The following NCALD variants were observed in gnomAD, a reference collection of about 807,000 sequenced individuals.
The protein encoded by NCALD is neurocalcin-delta.
A neutral mutation model predicts 18.6 loss-of-function variants in NCALD; 10 were observed. That is an observed-to-expected ratio of 0.54 (90% CI 0.33 to 0.91). NCALD has a LOEUF of 0.91. NCALD is among the 40% of genes least tolerant of loss of function. The pLI, the probability that NCALD is intolerant of heterozygous loss-of-function variation, is 0.03. For missense variants in NCALD, 184 were observed against 247.6 expected (o/e 0.74, Z 1.72); for synonymous variants, 88 against 87.4 (o/e 1.01, Z -0.04).
Position 101,719,663 on chromosome 8 carries a change from G to T in NCALD, c.-19-15C>A, listed in dbSNP as rs766448470. The T allele has an allele frequency of 2.0e-6, 3 of 1,532,564 alleles. No homozygotes were observed. Among genetic ancestry groups the T allele is most frequent in the East Asian group, 2.3e-5 (1 of 44,254 alleles). 94.9% of individuals were successfully genotyped at this position (1,532,564 alleles called of 1,614,324 possible). On this transcript the variant is annotated splice_polypyrimidine_tract_variant and intron_variant, in intron 1 of 3. Transcript: ENST00000220931. Reference sequence around the variant, plus strand: ...CAAGAATTCAGCTGCAGATAGAAAAGAAAACATATATAATTTGTAGAGCTG... The same window carrying T: ...CAAGAATTCAGCTGCAGATAGAAAATAAAACATATATAATTTGTAGAGCTG...
At chr8:101,736,247 T>C (rs1809909732) in intron 1 of NCALD, among the ~76,000 whole-genome samples, 2 of 152,216 alleles carry the variant, frequency 1.3e-5, no homozygotes, top group African/African-American at 4.8e-5. Flanking sequence ...GAAAACCTGT[T>C]CGTATCCCTT....
intron 4 of NCALD, among the ~76,000 whole-genome samples, chr8:101,836,909 C>G (rs1233607111): frequency 1.3e-5 from 2 of 152,172 alleles, no homozygotes; most frequent in African/African-American, 4.8e-5. Context: ...TAAAGAGAAT[C>G]TTGATAGATT....
At chr8:101,806,010 A>G (rs1209788901) in intron 4 of NCALD, among the ~76,000 whole-genome samples, 1 of 152,198 alleles carries the variant, frequency 6.6e-6, no homozygotes. Flanking sequence ...GAAGCAGACC[A>G]TATAACAGAG....
intron 2 of NCALD, among the ~76,000 whole-genome samples, chr8:101,714,631 G>GA (rs1357291438): frequency 6.6e-6 from 1 of 152,094 alleles, no homozygotes; most frequent in African/African-American, 2.4e-5. Flanking sequence ...CACAGAATTA[G>GA]AAAAAAGTAC....
intron 2 of NCALD, among the ~76,000 whole-genome samples, chr8:101,935,615 C>T (rs1818730853): frequency 6.6e-6 from 1 of 152,022 alleles, no homozygotes; most frequent in African/African-American, 2.4e-5. Flanking sequence ...GTCAAGGTCA[C>T]TGGGGGCCTT....
chr8:101,689,495 T>C lies in NCALD; in HGVS notation c.485-89A>G. On this transcript the variant is annotated intron_variant, in intron 3 of 3. Transcript: ENST00000220931. The surrounding 1 kb of genome is among the most constrained non-coding windows in gnomAD (Gnocchi z 4.4). The stretch of plus-strand genomic sequence containing the variant: ...ACTACTGCGTGCTGGGCAGTGTCGA[T>C]TCACCTGCCTGCAGCCTCACTGCCA... 1 of 980,912 alleles carries C rather than the reference T, an allele frequency of 1.0e-6. No homozygotes were observed. The highest frequency in any genetic ancestry group is 1.6e-6 in the Non-Finnish European group (1 of 643,370). The allele number at this position is 980,912 out of a possible 1,614,324, so 60.8% of individuals were successfully genotyped here.
chr8:101,742,532 A>G (rs1810248761), intron 1 of NCALD, among the ~76,000 whole-genome samples: 1 of 152,244 alleles, frequency 6.6e-6, no homozygotes, highest in Non-Finnish European at 1.5e-5. Context: ...ATAAAAGAAC[A>G]TAGAAGCACA....
At position 101,954,224 on chromosome 8, in the gene NCALD, A is replaced by C. The variant is rs755065687; in HGVS notation, c.-156-38366T>G. Among the ~76,000 whole-genome samples, 51 of 152,166 alleles carry C rather than the reference A, an allele frequency of 3.4e-4. 1 individual carries two copies. The highest frequency in any genetic ancestry group is 1.7e-3 in the Admixed American group (26 of 15,280). On this transcript the variant is annotated intron_variant, in intron 2 of 6. Coordinates refer to the NCALD transcript ENST00000311028. ...TCATCCATATTTTGGATGGCAACTC[A>C]TGATGGTGACTTGGACATCAGTAGA...
At chr8:102,031,591 T>C (rs1822671888) in intron 1 of NCALD, among the ~76,000 whole-genome samples, 1 of 152,190 alleles carries the variant, frequency 6.6e-6, no homozygotes. Flanking sequence ...TTTATAATGA[T>C]GTAGTTTGAT....
chr8:101,870,106 T>A (rs1471801352), intron 4 of NCALD, among the ~76,000 whole-genome samples: 1 of 152,204 alleles, frequency 6.6e-6, no homozygotes, highest in African/African-American at 2.4e-5. Context: ...CAATACTAAC[T>A]CACCAGACGA....
intron 4 of NCALD, among the ~76,000 whole-genome samples, chr8:101,809,117 C>T (rs576548681): frequency 6.6e-6 from 1 of 152,206 alleles, no homozygotes; most frequent in African/African-American, 2.4e-5. Flanking sequence ...AAAAGCATTG[C>T]AGAAGAAATA....
At chr8:102,012,666 T>G (rs866079002) in intron 2 of NCALD, among the ~76,000 whole-genome samples, 2 of 152,246 alleles carry the variant, frequency 1.3e-5, no homozygotes. Context: ...AATCATGCAG[T>G]GAGCTTCTGA....
chr8:102,042,600 T>A (rs1823088596), intron 1 of NCALD, among the ~76,000 whole-genome samples: 1 of 151,710 alleles, frequency 6.6e-6, no homozygotes, highest in Non-Finnish European at 1.5e-5. Context: ...TGGTGTGAGG[T>A]CACATCAGGT....
chr8:102,084,056 G>A (rs187695285), intron 1 of NCALD, among the ~76,000 whole-genome samples: 1 of 152,214 alleles, frequency 6.6e-6, no homozygotes, highest in Admixed American at 6.5e-5. Flanking sequence ...ACACAGTGCA[G>A]GTGCAGACTG....
At chr8:101,892,680 A>C in intron 3 of NCALD, among the ~76,000 whole-genome samples, 1 of 150,632 alleles carries the variant, frequency 6.6e-6, no homozygotes, top group Non-Finnish European at 1.5e-5. Flanking sequence ...GAGCTGATGA[A>C]GCTGAAAACC....
chr8:101,927,855 G>T (rs1818395876), intron 2 of NCALD, among the ~76,000 whole-genome samples: 1 of 152,140 alleles, frequency 6.6e-6, no homozygotes, highest in African/African-American at 2.4e-5. Context: ...CAAAGTCAGG[G>T]CCTGGGTGGA....
chr8:101,745,241 G>A (rs1240564907), intron 1 of NCALD, among the ~76,000 whole-genome samples: 1 of 152,126 alleles, frequency 6.6e-6, no homozygotes, highest in African/African-American at 2.4e-5. Context: ...ATTTTAGCCT[G>A]TCATCTCTTA....
At chr8:102,095,186 G>A (rs1825051992) in intron 1 of NCALD, among the ~76,000 whole-genome samples, 1 of 152,154 alleles carries the variant, frequency 6.6e-6, no homozygotes, top group African/African-American at 2.4e-5. Flanking sequence ...ATGGAGCTGG[G>A]AATGTGTCCA....
At chr8:101,870,909 C>CCCCCCCCA (rs1554649158) in intron 4 of NCALD, among the ~76,000 whole-genome samples, 1 of 81,482 alleles carries the variant, frequency 1.2e-5, no homozygotes, top group African/African-American at 5.0e-5. Flanking sequence ...CCCCCCCCCC[C>CCCCCCCCA]AAAAAAAGAG....
Sources: gnomAD v4.1 joint callset for allele counts (sites outside exome capture counted in the v4.1 genomes callset) on GRCh38, gnomAD v4.1.1 for gene constraint, Gnocchi (gnomAD v3.1) non-coding constraint, MANE v1.5 for transcripts, NCBI Gene and HGNC (gene_info 2026-07-23, HGNC 2026-07-21) for gene names.